The following NUP98 variants were observed in gnomAD, a reference collection of about 807,000 sequenced individuals.
NUP98 encodes nucleoporin 98 and 96 precursor.
A neutral mutation model predicts 191.9 loss-of-function variants in NUP98; 26 were observed. The ratio of observed to expected loss-of-function variants is 0.14; its 90% CI spans 0.10 to 0.19. The LOEUF is 0.19. Ranked by LOEUF, NUP98 falls within the 10% of genes least tolerant of loss-of-function variation. The pLI, the probability that NUP98 is intolerant of heterozygous loss-of-function variation, is 1.00. For synonymous variants in NUP98, 808 were observed against 778.4 expected (o/e 1.04, Z -0.63); for missense variants, 1,941 against 2,178.8 (o/e 0.89, Z 2.17).
chr11:3,792,735 C>G (rs1339285945), intron 1 of NUP98, among the ~76,000 whole-genome samples: 1 of 152,176 alleles, frequency 6.6e-6, no homozygotes, highest in Non-Finnish European at 1.5e-5. Context: ...AAGGTCTATT[C>G]AAAGTACAAC....
At chr11:3,757,052 C>T (rs2080983625) in intron 10 of NUP98, among the ~76,000 whole-genome samples, 1 of 151,026 alleles carries the variant, frequency 6.6e-6, no homozygotes. Flanking sequence ...CGTGCCGCTG[C>T]ACTCCAGCCC....
intron 10 of NUP98, chr11:3,760,279 A>G: frequency 2.0e-6 from 1 of 508,746 alleles, no homozygotes; most frequent in Non-Finnish European, 3.5e-6. Context: ...CTATTGCTGA[A>G]GTAATCCAAA....
intron 28 of NUP98, among the ~76,000 whole-genome samples, chr11:3,690,178 CCT>C (rs979230248): frequency 1.3e-5 from 2 of 151,670 alleles, no homozygotes; most frequent in African/African-American, 4.8e-5. Context: ...TCTCAAACTC[CCT>C]GACATCAAGT....
At chr11:3,696,663 G>T (rs1185811120) in intron 25 of NUP98, 1 of 152,002 alleles carries the variant, frequency 6.6e-6, no homozygotes, top group Non-Finnish European at 1.5e-5. Flanking sequence ...ACAAAAGTTA[G>T]CCGAGTGTGG....
chr11:3,729,455 T>C (rs955699725), intron 14 of NUP98, among the ~76,000 whole-genome samples: 3 of 148,166 alleles, frequency 2.0e-5, no homozygotes, highest in Admixed American at 6.9e-5. Flanking sequence ...TGGTAGCTCA[T>C]GCCTGTAATC....
At chr11:3,753,286 T>C (rs757605988) in intron 11 of NUP98, 30 bp downstream of exon 11, 15 of 1,543,082 alleles carry the variant, frequency 9.7e-6, no homozygotes, top group Non-Finnish European at 1.3e-5. Flanking sequence ...GCTGTGTCAC[T>C]TCCTAGATCT....
chr11:3,787,039 T>C (rs898278243), intron 1 of NUP98, among the ~76,000 whole-genome samples: 4 of 152,170 alleles, frequency 2.6e-5, no homozygotes, highest in African/African-American at 9.7e-5. Flanking sequence ...CATCCTCTCA[T>C]CTAACCTTCA....
chr11:3,696,977 C>T (rs1338589578), intron 25 of NUP98: 1 of 152,142 alleles, frequency 6.6e-6, no homozygotes, highest in Non-Finnish European at 1.5e-5. Flanking sequence ...GAATCTGACT[C>T]TGGCATGCCT....
chr11:3,693,436 A>G (rs988818436), intron 26 of NUP98, 61 bp from the exon 27 acceptor site: 24 of 1,523,676 alleles, frequency 1.6e-5, no homozygotes, highest in Non-Finnish European at 1.9e-5. Context: ...TGTGTGTGCA[A>G]TAACACTGAA....
At position 3,713,070 on chromosome 11, in the gene NUP98, T is replaced by A. The variant is rs552025657; in HGVS notation, c.2578-342A>T. ...TATCCTCTATCTACCCAAGGGCCTTTAACAAGTTAAATAATTCAACCAGCC... is the reference window on the plus strand; with the variant it reads ...TATCCTCTATCTACCCAAGGGCCTTAAACAAGTTAAATAATTCAACCAGCC... On this transcript the variant is annotated intron_variant, in intron 19 of 32. Coordinates refer to ENST00000324932, the MANE Select transcript of NUP98 (RefSeq NM_016320.5). Among the ~76,000 whole-genome samples, 3 of 152,342 alleles carry A rather than the reference T, an allele frequency of 2.0e-5. No homozygotes were observed. The South Asian group carries it at 6.2e-4, about 32-fold the overall frequency.
chr11:3,687,591 T>C (rs988825595), intron 28 of NUP98, among the ~76,000 whole-genome samples: 4 of 152,194 alleles, frequency 2.6e-5, no homozygotes, highest in African/African-American at 9.6e-5. Context: ...AGAAGGTGGT[T>C]CTTTGAAAAG....
At chr11:3,713,794 C>CGT in intron 19 of NUP98, 24 bp downstream of exon 19, 3 of 1,594,500 alleles carry the variant, frequency 1.9e-6, no homozygotes, top group Non-Finnish European at 2.6e-6. Context: ...TTATAAAAGT[C>CGT]TGAACTGGGT....
At chr11:3,782,469 C>A (rs1354973297) in intron 1 of NUP98, among the ~76,000 whole-genome samples, 1 of 149,740 alleles carries the variant, frequency 6.7e-6, no homozygotes, top group East Asian at 2.0e-4. Flanking sequence ...TATTTCAGGT[C>A]TACAAGGCAA....
intron 20 of NUP98, chr11:3,711,617 A>G (rs941423526): frequency 1.8e-5 from 3 of 168,386 alleles, no homozygotes; most frequent in African/African-American, 7.2e-5. Context: ...ATTAGGAAAG[A>G]AGGAGATGAT....
In NUP98 at chr11:3,727,247, A is replaced by G. The variant is rs554073101; in HGVS notation, c.1731-2028T>C. On this transcript the variant is annotated intron_variant, in intron 14 of 32. Coordinates refer to ENST00000324932, the MANE Select transcript of NUP98 (RefSeq NM_016320.5). ...CCACGTACTTGAGAGGCTGAGCAGGATCACTTAAGGCCAGCCCGGGCAACA... is the reference window on the plus strand; with the variant it reads ...CCACGTACTTGAGAGGCTGAGCAGGGTCACTTAAGGCCAGCCCGGGCAACA... Among the ~76,000 whole-genome samples, 404 of 152,232 alleles carry G rather than the reference A, an allele frequency of 2.7e-3. 3 individuals are homozygous for G. The highest frequency in any genetic ancestry group is 8.8e-3 in the African/African-American group (367 of 41,534).
At chr11:3,683,112 G>A in intron 30 of NUP98, 88 bp downstream of exon 30, 7 of 1,557,920 alleles carry the variant, frequency 4.5e-6, no homozygotes, top group Non-Finnish European at 6.1e-6. Flanking sequence ...CCTACGTTGA[G>A]TCTTATTTCC....
chr11:3,695,865 C>T (rs2078487936), intron 25 of NUP98, among the ~76,000 whole-genome samples: 1 of 152,114 alleles, frequency 6.6e-6, no homozygotes, highest in Admixed American at 6.6e-5. Context: ...ACCACTACTT[C>T]TGTGATACTA....
intron 20 of NUP98, among the ~76,000 whole-genome samples, chr11:3,711,180 G>C (rs1268587152): frequency 6.6e-6 from 1 of 151,890 alleles, no homozygotes. Context: ...GGGAGGCAGA[G>C]GCCACAGAGA....
At chr11:3,681,490 G>A (rs1589948278) in intron 30 of NUP98, among the ~76,000 whole-genome samples, 1 of 152,246 alleles carries the variant, frequency 6.6e-6, no homozygotes, top group East Asian at 1.9e-4. Flanking sequence ...TTACTCCTTT[G>A]CCCATGGGTT....
Sources: allele counts gnomAD v4.1 joint callset (sites outside exome capture counted in the v4.1 genomes callset), GRCh38; gene constraint gnomAD v4.1.1; transcripts MANE v1.5; gene names NCBI Gene and HGNC (gene_info 2026-07-23, HGNC 2026-07-21).